Variants in SPRED1 observed in about 807,000 individuals in gnomAD.
SPRED1 encodes the protein sprouty-related, EVH1 domain-containing protein 1.
SPRED1 carries 18 observed loss-of-function variants against 52.3 expected under a neutral mutation model. The observed-to-expected ratio is 0.34, with a 90% CI of 0.24 to 0.51. SPRED1 has a LOEUF of 0.51. SPRED1 is among the 20% of genes least tolerant of loss of function. The probability of loss-of-function intolerance (pLI) is 0.97; values close to 1 mark genes in which losing one functional copy is unlikely to be tolerated. For synonymous variants in SPRED1, 155 were observed against 179.7 expected (o/e 0.86, Z 1.10); for missense variants, 485 against 551.0 (o/e 0.88, Z 1.20).
At chr15:38,324,618 G>T in intron 3 of SPRED1, 145 bp from the exon 4 acceptor site, 2 of 630,302 alleles carry the variant, frequency 3.2e-6, no homozygotes, top group Non-Finnish European at 5.6e-6. Flanking sequence ...GCAAATGCAA[G>T]TGGCCAGTAC....
At position 38,319,518 on chromosome 15, in the gene SPRED1, T is replaced by TG. The variant is rs542230355; in HGVS notation, c.208-2723_208-2722insG. ...GCTCAGCCTCTCGAGTAGCTGAGATTACAGGTTCCCACCACCACGCCCGGC... is the reference window on the plus strand; with the variant it reads ...GCTCAGCCTCTCGAGTAGCTGAGATTGACAGGTTCCCACCACCACGCCCGGC... On this transcript the variant is annotated intron_variant, in intron 2 of 6. Transcript: ENST00000299084. Among the ~76,000 whole-genome samples the TG allele has an allele frequency of 2.9e-3, 440 of 152,264 alleles. 4 individuals are homozygous for TG. The highest frequency in any genetic ancestry group is 0.01 in the African/African-American group (429 of 41,540).
rs752201824 is a variant in SPRED1 at position 38,351,164 on chromosome 15, A to G, written c.835A>G (p.Ser279Gly). ...CTTGGAAAGAGATGATGCTGATTCC[A>G]GTATTCAGTTTTCTAAACCAGACAG... Reference protein sequence around the residue: ...NDLERDDADSSIQFSKPDSKK... With the variant: ...NDLERDDADSGIQFSKPDSKK... Residue 279 changes from serine (S) to glycine (G), a missense_variant, in exon 7 of 7, where the codon AGT (serine) becomes GGT (glycine). Physicochemically the swap from Ser to Gly is moderately conservative, Grantham distance 56 (BLOSUM62 0). This residue lies in a region of SPRED1 where 205 missense variants were observed against 245.2 expected (regional missense o/e 0.84). Transcript: ENST00000299084. 1.2e-6 allele frequency: 2 copies of G among 1,614,148 alleles called. No individual in the cohort carries two copies. The highest frequency in any genetic ancestry group is 2.2e-5 in the South Asian group (2 of 91,090).
At chr15:38,259,278 G>T (rs545198067) in intron 1 of SPRED1, among the ~76,000 whole-genome samples, 2 of 152,236 alleles carry the variant, frequency 1.3e-5, no homozygotes, top group South Asian at 4.1e-4. Context: ...AAGAGGCAGG[G>T]TCTTGCAGTG....
intron 4 of SPRED1, among the ~76,000 whole-genome samples, chr15:38,335,139 C>T (rs1895886389): frequency 6.6e-6 from 1 of 151,980 alleles, no homozygotes; most frequent in Non-Finnish European, 1.5e-5. Context: ...TTGTGAGTCT[C>T]ATGTTTCCCA....
In SPRED1 at chr15:38,351,178, T is replaced by G. The variant is rs1476116119; in HGVS notation, c.849T>G (p.Ser283=). Residue 283 remains serine, a synonymous_variant, in exon 7 of 7, where the codon TCT becomes TCG. Transcript: ENST00000299084. ...RDDADSSIQF[S]KPDSKKSDYL... is the part of the protein sequence containing the mutation. The stretch of plus-strand genomic sequence containing the variant: ...ATGCTGATTCCAGTATTCAGTTTTC[T>G]AAACCAGACAGTAAAAAATCAGACT... 2 of 1,614,138 alleles carry G rather than the reference T, an allele frequency of 1.2e-6. No homozygotes were observed. The highest frequency in any genetic ancestry group is 4.5e-5 in the East Asian group (2 of 44,888).
At chr15:38,319,303 G>C (rs1006303019) in intron 2 of SPRED1, among the ~76,000 whole-genome samples, 1 of 152,178 alleles carries the variant, frequency 6.6e-6, no homozygotes, top group Non-Finnish European at 1.5e-5. Context: ...CAAAATGGTT[G>C]TAACAAATAT....
At chr15:38,336,240 T>A (rs1895911458) in intron 4 of SPRED1, among the ~76,000 whole-genome samples, 1 of 151,640 alleles carries the variant, frequency 6.6e-6, no homozygotes, top group South Asian at 2.1e-4. Flanking sequence ...TTTTTACTAT[T>A]TAAAATAGTT....
intron 4 of SPRED1, among the ~76,000 whole-genome samples, chr15:38,327,671 A>G (rs920745265): frequency 4.6e-5 from 7 of 152,184 alleles, no homozygotes; most frequent in Admixed American, 1.3e-4. Flanking sequence ...GCCACAAACA[A>G]GCCTTCAGAT....
rs115169046 is a variant in SPRED1, at chr15:38,337,092, C to T, written c.424-2645C>T. 2.5e-3 allele frequency among the ~76,000 whole-genome samples: 384 copies of T among 152,056 alleles called. 1 individual carries two copies. Among genetic ancestry groups the T allele is most frequent in the African/African-American group, 9.1e-3 (377 of 41,484 alleles). On this transcript the variant is annotated intron_variant, in intron 4 of 6. Coordinates refer to ENST00000299084, the MANE Select transcript of SPRED1 (RefSeq NM_152594.3). ...AGCTTTTGGTACATTTTATTAAATGCTTTTTTATTGCATTATTATTAAAAT... is the reference window on the plus strand; with the variant it reads ...AGCTTTTGGTACATTTTATTAAATGTTTTTTTATTGCATTATTATTAAAAT...
In SPRED1 at chr15:38,353,175, A is replaced by T. The variant is rs1888531668; in HGVS notation, c.*1511A>T. 6.6e-6 allele frequency: 1 copy of T among 152,428 alleles called. No individual in the cohort carries two copies. 9.4% of individuals were successfully genotyped at this position (152,428 alleles called of 1,614,324 possible). ...TGGCTTGAAGTTTCAGAGGTGATAA[A>T]AATTAAAATCACACTACTATTTGAA... is the stretch of plus-strand genomic sequence containing the variant. On this transcript the variant is annotated 3_prime_UTR_variant, in exon 7 of 7. Coordinates refer to ENST00000299084, the MANE Select transcript of SPRED1 (RefSeq NM_152594.3).
Position 38,349,551 on chromosome 15 carries a change from A to T in SPRED1, c.684+28A>T, listed in dbSNP as rs754209977. 4 of 1,429,530 alleles carry T rather than the reference A, an allele frequency of 2.8e-6. No homozygotes were observed. In the East Asian group the frequency reaches 9.4e-5, roughly 34 times the overall value. 88.6% of individuals were successfully genotyped at this position (1,429,530 alleles called of 1,614,324 possible). ...AAGTAATGTTAGTTTATCTTGTGAT[A>T]TGGAATTTAACTAATTAATAGATAG... is the stretch of plus-strand genomic sequence containing the variant. On this transcript the variant is annotated intron_variant, in intron 6 of 6. Transcript: ENST00000299084.
At chr15:38,284,605 C>T (rs771197125) in intron 1 of SPRED1, among the ~76,000 whole-genome samples, 1 of 152,066 alleles carries the variant, frequency 6.6e-6, no homozygotes, top group Non-Finnish European at 1.5e-5. Flanking sequence ...GTGGTATTAC[C>T]ACACAACTAT....
At position 38,355,651 on chromosome 15, in the gene SPRED1, A is replaced by G. The variant is rs1165130014; in HGVS notation, c.*3987A>G. ...GTTTTTAATTGTAGCCCAAAGGTGCATTAAGCAAGTGTAACATTTTTTCCA... is the reference window on the plus strand; with the variant it reads ...GTTTTTAATTGTAGCCCAAAGGTGCGTTAAGCAAGTGTAACATTTTTTCCA... On this transcript the variant is annotated 3_prime_UTR_variant, in exon 7 of 7. Transcript: ENST00000299084. The G allele has an allele frequency of 6.6e-6, 1 of 152,226 alleles. No individual in the cohort carries two copies. Among genetic ancestry groups the G allele is most frequent in the Non-Finnish European group, 1.5e-5 (1 of 68,034 alleles). 9.4% of individuals were successfully genotyped at this position (152,226 alleles called of 1,614,324 possible).
chr15:38,312,883 T>C (rs1316010992), intron 2 of SPRED1, among the ~76,000 whole-genome samples: 2 of 152,016 alleles, frequency 1.3e-5, no homozygotes, highest in Admixed American at 6.6e-5. Context: ...CTTTTTTTCT[T>C]GTCCATTTCA....
chr15:38,269,363 C>A (rs1259350797), intron 1 of SPRED1, among the ~76,000 whole-genome samples: 1 of 152,188 alleles, frequency 6.6e-6, no homozygotes, highest in Admixed American at 6.5e-5. Context: ...CTGTCTCAGC[C>A]TCCTGAGTAG....
intron 2 of SPRED1, among the ~76,000 whole-genome samples, chr15:38,309,988 G>A (rs1253574414): frequency 6.6e-6 from 1 of 152,114 alleles, no homozygotes; most frequent in African/African-American, 2.4e-5. Context: ...TATATAAGAA[G>A]CCCTAATACA....
chr15:38,287,848 A>G (rs1337917476), intron 1 of SPRED1, among the ~76,000 whole-genome samples: 2 of 84,384 alleles, frequency 2.4e-5, no homozygotes, highest in African/African-American at 7.0e-5. Flanking sequence ...CCAATTTCAC[A>G]CAGATACCGA....
At chr15:38,303,758 A>C (rs1895196043) in intron 2 of SPRED1, among the ~76,000 whole-genome samples, 1 of 152,144 alleles carries the variant, frequency 6.6e-6, no homozygotes, top group Non-Finnish European at 1.5e-5. Flanking sequence ...AAGGTATGAC[A>C]AAAGAATAGG....
At chr15:38,308,929 C>T (rs1941408576) in intron 2 of SPRED1, among the ~76,000 whole-genome samples, 1 of 152,168 alleles carries the variant, frequency 6.6e-6, no homozygotes, top group South Asian at 2.1e-4. Flanking sequence ...TTTATCATGC[C>T]ACATTGCCAC....
Sources: gnomAD v4.1 joint callset for allele counts (sites outside exome capture counted in the v4.1 genomes callset) on GRCh38, gnomAD v4.1.1 for gene constraint, gnomAD v4.1.1 regional missense constraint, MANE v1.5 for transcripts, NCBI Gene and HGNC (gene_info 2026-07-23, HGNC 2026-07-21) for gene names.